Variants in NAALADL2 observed in about 807,000 individuals in gnomAD.
The protein encoded by NAALADL2 is N-acetylated alpha-linked acidic dipeptidase like 2, also known as inactive N-acetylated-alpha-linked acidic dipeptidase-like protein 2.
A neutral mutation model predicts 87.2 loss-of-function variants in NAALADL2; 76 were observed. The observed-to-expected ratio is 0.87, with a 90% CI of 0.72 to 1.05. The LOEUF is 1.05. Among genes scored for constraint, NAALADL2 ranks in the 50% least tolerant of loss-of-function variants. The probability of loss-of-function intolerance (pLI) is 0.00; values close to 1 mark genes in which losing one functional copy is unlikely to be tolerated. For missense variants in NAALADL2, 1,089 were observed against 945.8 expected, an observed-to-expected ratio of 1.15 and a Z score of -1.99; for synonymous variants, 354 against 331.0, an observed-to-expected ratio of 1.07 and a Z score of -0.75.
intron 1 of NAALADL2, among the ~76,000 whole-genome samples, chr3:174,955,170 G>T (rs550298059): frequency 6.6e-6 from 1 of 151,964 alleles, no homozygotes; most frequent in Non-Finnish European, 1.5e-5. Context: ...TTACGGCATC[G>T]TCTTCTACTT....
chr3:175,097,313 G>C (rs917419028), intron 2 of NAALADL2, 22 bp downstream of exon 2: 1 of 1,586,876 alleles, frequency 6.3e-7, no homozygotes, highest in Non-Finnish European at 8.6e-7. Flanking sequence ...AGAAACAGAT[G>C]TTGTTTGAAT....
At position 174,653,887 on chromosome 3, in the gene NAALADL2, T is replaced by A. The variant is rs149971947; in HGVS notation, c.-114-83754T>A. ...ATTCTTCTTTCCAAGTTTTTCTCCC[T>A]AATCTCATTGATACTTTAGAGTTCT... On this transcript the variant is annotated intron_variant, in intron 2 of 3. Coordinates refer to the NAALADL2 transcript ENST00000434257. 2.9e-4 allele frequency among the ~76,000 whole-genome samples: 44 copies of A among 152,322 alleles called. No homozygotes were observed. In the East Asian group the frequency reaches 4.4e-3, roughly 15 times the overall value.
intron 3 of NAALADL2, among the ~76,000 whole-genome samples, chr3:174,807,319 G>A (rs893893890): frequency 4.0e-5 from 6 of 151,880 alleles, no homozygotes; most frequent in Admixed American, 2.0e-4. Context: ...AAAAAACACC[G>A]ATAACTCTAT....
At chr3:174,867,390 A>G (rs1461050217) in intron 1 of NAALADL2, among the ~76,000 whole-genome samples, 1 of 151,996 alleles carries the variant, frequency 6.6e-6, no homozygotes, top group East Asian at 1.9e-4. Context: ...AAACTAAACT[A>G]GCCAGTCTGT....
chr3:174,763,594 A>AAAAAAAAAAAAAAAAAAAAAAAC (rs1481561081), intron 3 of NAALADL2, among the ~76,000 whole-genome samples: 1 of 148,982 alleles, frequency 6.7e-6, no homozygotes, highest in African/African-American at 2.5e-5. Flanking sequence ...CTCAAAAAAA[A>AAAAAAAAAAAAAAAAAAAAAAAC]AAAAAAAGAC....
intron 1 of NAALADL2, among the ~76,000 whole-genome samples, chr3:174,522,505 A>T (rs1720366279): frequency 6.6e-6 from 1 of 152,102 alleles, no homozygotes; most frequent in Non-Finnish European, 1.5e-5. Context: ...AAAAAAAGAA[A>T]AAAAATTACA....
At chr3:175,036,348 T>C (rs147840631) in intron 1 of NAALADL2, among the ~76,000 whole-genome samples, 175 of 152,288 alleles carry the variant, frequency 1.1e-3, no homozygotes, top group African/African-American at 4.0e-3. Context: ...CTGCTCATTT[T>C]TGCATGTTTT....
Position 175,183,489 on chromosome 3 carries a change from T to C in NAALADL2, c.546-50442T>C, listed in dbSNP as rs76873058. On this transcript the variant is annotated intron_variant, in intron 2 of 13. Coordinates refer to ENST00000454872, the MANE Select transcript of NAALADL2 (RefSeq NM_207015.3). ...TTGTGGGCTTGTCATATATGGCCTTTATTGTGTTAAGGTATATACCTTCTA... is the reference window on the plus strand; with the variant it reads ...TTGTGGGCTTGTCATATATGGCCTTCATTGTGTTAAGGTATATACCTTCTA... 5.3e-5 allele frequency among the ~76,000 whole-genome samples: 8 copies of C among 152,218 alleles called. No homozygotes were observed. The East Asian group carries it at 1.5e-3, about 29-fold the overall frequency.
At chr3:174,789,124 T>C (rs1560227301) in intron 3 of NAALADL2, among the ~76,000 whole-genome samples, 2 of 152,204 alleles carry the variant, frequency 1.3e-5, no homozygotes, top group Admixed American at 1.3e-4. Flanking sequence ...AAAATGTTTT[T>C]TCATTAATCC....
intron 11 of NAALADL2, among the ~76,000 whole-genome samples, chr3:175,715,095 G>A (rs941549542): frequency 1.3e-5 from 2 of 152,108 alleles, no homozygotes; most frequent in African/African-American, 4.8e-5. Flanking sequence ...CAGTAATAAT[G>A]TATTAATCAT....
intron 9 of NAALADL2, among the ~76,000 whole-genome samples, chr3:175,510,366 A>T (rs1730992540): frequency 6.6e-6 from 1 of 152,168 alleles, no homozygotes; most frequent in Non-Finnish European, 1.5e-5. Context: ...AAATCATATC[A>T]GAATAAAAAT....
chr3:174,526,998 A>G (rs1324177782), intron 1 of NAALADL2, among the ~76,000 whole-genome samples: 2 of 152,082 alleles, frequency 1.3e-5, no homozygotes, highest in Non-Finnish European at 2.9e-5. Context: ...TTAGTAGTTT[A>G]TCACTAAAAT....
At chr3:174,518,608 C>T (rs946458106) in intron 1 of NAALADL2, among the ~76,000 whole-genome samples, 8 of 152,084 alleles carry the variant, frequency 5.3e-5, no homozygotes, top group African/African-American at 1.7e-4. Context: ...CTTAACATGA[C>T]CTGTAAGACC....
At chr3:174,593,325 A>G (rs1578252818) in intron 2 of NAALADL2, among the ~76,000 whole-genome samples, 1 of 152,192 alleles carries the variant, frequency 6.6e-6, no homozygotes, top group Non-Finnish European at 1.5e-5. Flanking sequence ...TGTGGTTAGT[A>G]CATGTCAGAC....
intron 2 of NAALADL2, among the ~76,000 whole-genome samples, chr3:174,732,812 A>G (rs975415335): frequency 2.0e-5 from 3 of 152,192 alleles, no homozygotes; most frequent in African/African-American, 7.2e-5. Context: ...AAAAATGGCT[A>G]TTAATAATAT....
chr3:175,687,217 T>G (rs1340361119), intron 11 of NAALADL2, among the ~76,000 whole-genome samples: 1 of 152,178 alleles, frequency 6.6e-6, no homozygotes, highest in Non-Finnish European at 1.5e-5. Context: ...AAAGTGGGTT[T>G]TGCAAATTAA....
In NAALADL2 at chr3:175,002,278, A is replaced by C. The variant is rs964937896; in HGVS notation, c.44-94512A>C. Reference sequence around the variant, plus strand: ...GAAGCATTTGTTTTATGTATAGCGCAGAAAGTCAGAAACTAGACAGTGGTG... The same window carrying C: ...GAAGCATTTGTTTTATGTATAGCGCCGAAAGTCAGAAACTAGACAGTGGTG... On this transcript the variant is annotated intron_variant, in intron 1 of 13. Transcript: ENST00000454872. Among the ~76,000 whole-genome samples, 3 of 152,230 alleles carry C rather than the reference A, an allele frequency of 2.0e-5. No homozygotes were observed. The East Asian group carries it at 5.8e-4, about 29-fold the overall frequency.
chr3:175,044,096 A>G (rs1192939968), intron 1 of NAALADL2, among the ~76,000 whole-genome samples: 2 of 152,238 alleles, frequency 1.3e-5, no homozygotes, highest in Middle Eastern at 3.4e-3. Flanking sequence ...GGTTAAAATT[A>G]TTCCTAAGTA....
chr3:175,551,938 A>AG (rs1560745341), intron 9 of NAALADL2, among the ~76,000 whole-genome samples: 2 of 151,012 alleles, frequency 1.3e-5, no homozygotes, highest in East Asian at 1.9e-4. Flanking sequence ...AAAAAAAAAA[A>AG]GGGAATTATT....
Sources: gnomAD v4.1 joint callset for allele counts (sites outside exome capture counted in the v4.1 genomes callset) on GRCh38, gnomAD v4.1.1 for gene constraint, MANE v1.5 for transcripts, NCBI Gene and HGNC (gene_info 2026-07-23, HGNC 2026-07-21) for gene names.